MYT1L: variants seen among roughly 807,000 people sequenced by gnomAD.
MYT1L encodes the protein myelin transcription factor 1 like, also known as myelin transcription factor 1-like protein.
A neutral mutation model predicts 126.7 loss-of-function variants in MYT1L; 12 were observed. That is an observed-to-expected ratio of 0.09 (90% CI 0.06 to 0.15). MYT1L has a LOEUF of 0.15. MYT1L is among the 10% of genes least tolerant of loss of function. MYT1L has a pLI of 1.00. For missense variants in MYT1L, 979 were observed against 1,585.2 expected (o/e 0.62, Z 6.49); for synonymous variants, 541 against 604.2 (o/e 0.90, Z 1.53).
At chr2:2,049,456 T>A (rs569296595) in intron 4 of MYT1L, among the ~76,000 whole-genome samples, 1 of 152,354 alleles carries the variant, frequency 6.6e-6, no homozygotes, top group East Asian at 1.9e-4. Flanking sequence ...AATGCCTACA[T>A]AAATTTGAAT....
intron 4 of MYT1L, among the ~76,000 whole-genome samples, chr2:2,016,245 C>A (rs549782795): frequency 6.6e-6 from 1 of 152,124 alleles, no homozygotes; most frequent in African/African-American, 2.4e-5. Flanking sequence ...TGCACAGACA[C>A]GTGATATGCC....
chr2:1,864,151 T>C (rs952193228), intron 18 of MYT1L, among the ~76,000 whole-genome samples: 1 of 152,168 alleles, frequency 6.6e-6, no homozygotes, highest in Admixed American at 6.5e-5. Context: ...CAAAGATGCC[T>C]CTTCAGGGAA....
At chr2:2,103,548 C>A (rs1373474338) in intron 3 of MYT1L, among the ~76,000 whole-genome samples, 2 of 152,236 alleles carry the variant, frequency 1.3e-5, no homozygotes, top group African/African-American at 4.8e-5. Flanking sequence ...ATCTGATGCA[C>A]CGAGTGCCAC....
intron 18 of MYT1L, among the ~76,000 whole-genome samples, chr2:1,876,036 C>T (rs766817756): frequency 1.5e-4 from 23 of 152,196 alleles, no homozygotes; most frequent in Admixed American, 3.3e-4. Context: ...GTTCTGTCCA[C>T]GTGCACATCT....
intron 18 of MYT1L, among the ~76,000 whole-genome samples, chr2:1,878,710 G>A (rs890004290): frequency 2.6e-5 from 4 of 152,086 alleles, no homozygotes; most frequent in South Asian, 4.2e-4. Flanking sequence ...AAGCTCCATC[G>A]GGCATTTCAG....
intron 4 of MYT1L, among the ~76,000 whole-genome samples, chr2:2,046,750 T>C (rs1230750974): frequency 1.3e-5 from 2 of 152,218 alleles, no homozygotes; most frequent in Non-Finnish European, 2.9e-5. Context: ...TAAATATTTG[T>C]ACACTAAATA....
chr2:2,301,267 T>A (rs1379716177), intron 1 of MYT1L, among the ~76,000 whole-genome samples: 1 of 152,158 alleles, frequency 6.6e-6, no homozygotes, highest in Non-Finnish European at 1.5e-5. Flanking sequence ...TCTTTTTTCC[T>A]CTCTCTGTGT....
At chr2:2,166,985 C>T (rs145701548) in intron 3 of MYT1L, among the ~76,000 whole-genome samples, 2 of 152,290 alleles carry the variant, frequency 1.3e-5, no homozygotes, top group Admixed American at 1.3e-4. Flanking sequence ...TAAGTGAAGG[C>T]ACTTTGATTG....
chr2:2,306,402 G>A (rs1459369634), intron 1 of MYT1L, among the ~76,000 whole-genome samples: 1 of 152,166 alleles, frequency 6.6e-6, no homozygotes, highest in African/African-American at 2.4e-5. Flanking sequence ...AATGCTGTGT[G>A]TAGAATCCCA....
intron 1 of MYT1L, among the ~76,000 whole-genome samples, chr2:2,295,569 G>GAGAGAGAGACAGACAGAC: frequency 1.4e-5 from 2 of 138,884 alleles, no homozygotes; most frequent in African/African-American, 2.7e-5. Context: ...GACAGACAGA[G>GAGAGAGAGACAGACAGAC]AGAGAGAGAG....
intron 8 of MYT1L, among the ~76,000 whole-genome samples, chr2:1,952,361 C>T (rs2057835525): frequency 6.6e-6 from 1 of 152,110 alleles, no homozygotes; most frequent in South Asian, 2.1e-4. Context: ...TTCCAGAACA[C>T]TAGTTCTTTT....
intron 4 of MYT1L, among the ~76,000 whole-genome samples, chr2:2,001,765 C>A (rs755112186): frequency 1.3e-5 from 2 of 152,142 alleles, no homozygotes; most frequent in Non-Finnish European, 2.9e-5. Flanking sequence ...TCCTGGGTTC[C>A]CTTTGTTGGG....
chr2:2,183,767 G>A (rs1301114152), intron 2 of MYT1L, among the ~76,000 whole-genome samples: 2 of 147,812 alleles, frequency 1.4e-5, no homozygotes, highest in African/African-American at 5.0e-5. Context: ...GGGAAGGAGG[G>A]AGAGGAAGGA....
At chr2:2,108,611 G>A (rs1180973452) in intron 3 of MYT1L, among the ~76,000 whole-genome samples, 3 of 152,122 alleles carry the variant, frequency 2.0e-5, no homozygotes, top group African/African-American at 2.4e-5. Flanking sequence ...CTTAGCAAAG[G>A]CATTAGAAAT....
chr2:2,094,303 A>T (rs1011451372), intron 3 of MYT1L, among the ~76,000 whole-genome samples: 7 of 152,192 alleles, frequency 4.6e-5, no homozygotes, highest in Non-Finnish European at 8.8e-5. Flanking sequence ...AAATAGGAAC[A>T]CTTTTACATT....
At chr2:1,961,030 G>A (rs769000556) in intron 8 of MYT1L, among the ~76,000 whole-genome samples, 11 of 152,194 alleles carry the variant, frequency 7.2e-5, no homozygotes, top group East Asian at 1.9e-4. Context: ...AGAGCTGTGC[G>A]TGCAGTTAGC....
chr2:1,895,491 G>A (rs1234822992), intron 14 of MYT1L, among the ~76,000 whole-genome samples: 1 of 152,210 alleles, frequency 6.6e-6, no homozygotes, highest in Non-Finnish European at 1.5e-5. Context: ...AAATAGCTTG[G>A]TACTGGTGTA....
At chr2:1,879,693 A>C (rs1387115749) in intron 18 of MYT1L, among the ~76,000 whole-genome samples, 1 of 152,152 alleles carries the variant, frequency 6.6e-6, no homozygotes, top group Non-Finnish European at 1.5e-5. Flanking sequence ...TTAAAACTTC[A>C]GTACTTACAA....
At chr2:2,265,658 T>A (rs1572967448) in intron 2 of MYT1L, among the ~76,000 whole-genome samples, 1 of 152,280 alleles carries the variant, frequency 6.6e-6, no homozygotes, top group East Asian at 1.9e-4. Flanking sequence ...GTTGTGACCG[T>A]GAGAAAGATT....
Sources: gnomAD v4.1 joint callset for allele counts (sites outside exome capture counted in the v4.1 genomes callset) on GRCh38, gnomAD v4.1.1 for gene constraint, MANE v1.5 for transcripts, NCBI Gene and HGNC (gene_info 2026-07-23, HGNC 2026-07-21) for gene names.